The following DMRT2 variants were observed in gnomAD, a reference collection of about 807,000 sequenced individuals.
DMRT2 encodes the protein doublesex and mab-3 related transcription factor 2.
A neutral mutation model predicts 43.5 loss-of-function variants in DMRT2; 33 were observed. That is an observed-to-expected ratio of 0.76 (90% CI 0.58 to 1.01). DMRT2 has a LOEUF of 1.01. DMRT2 is among the 50% of genes least tolerant of loss of function. The probability of loss-of-function intolerance (pLI) is 0.00; values close to 1 mark genes in which losing one functional copy is unlikely to be tolerated. For synonymous variants in DMRT2, 395 were observed against 309.2 expected (o/e 1.28, Z -2.91); for missense variants, 1,064 against 748.0 (o/e 1.42, Z -4.93).
At chr9:1,053,216 G>A (rs573214787) in intron 2 of DMRT2, 4 of 152,586 alleles carry the variant, frequency 2.6e-5, no homozygotes, top group Non-Finnish European at 5.9e-5. Context: ...TTTGCAGCCG[G>A]ACCCAGGAGA....
intron 2 of DMRT2, among the ~76,000 whole-genome samples, chr9:1,052,466 G>T (rs7848450): frequency 0.029 from 4,372 of 151,932 alleles, 216 homozygotes; most frequent in African/African-American, 0.1. Context: ...GGTGTTGAGG[G>T]CGGGGGCTTG....
chr9:1,051,827 C>T lies in DMRT2; in HGVS notation c.214C>T (p.Pro72Ser), dbSNP rs774935912. The T allele has an allele frequency of 5.9e-5, 86 of 1,447,042 alleles. 1 individual carries two copies. The African/African-American group carries it at 1.0e-3, about 17-fold the overall frequency. The allele number at this position is 1,447,042 out of a possible 1,614,324, so 89.6% of individuals were successfully genotyped here. ...CGACGGCGAGGAGGCAGGCGCGTCC[C>T]CCGGGATGCCCGGCCAGCCGGAGCA... is the stretch of plus-strand genomic sequence containing the variant. Reference protein sequence around the residue: ...EGDGEEAGASPGMPGQPEQRG... With the variant: ...EGDGEEAGASSGMPGQPEQRG... The change falls in exon 2 of 4, where the codon CCC (proline) becomes TCC (serine). Residue 72 changes from proline to serine, a missense_variant. By Grantham distance (74) the Pro-to-Ser change is moderately conservative (BLOSUM62 -1). Coordinates refer to ENST00000358146, the MANE Select transcript of DMRT2 (RefSeq NM_181872.6). The surrounding 1 kb of genome is among the most constrained non-coding windows in gnomAD (Gnocchi z 5.9).
At chr9:1,052,214 C>G (rs1047495629) in intron 2 of DMRT2, 76 bp downstream of exon 2, 2 of 1,212,760 alleles carry the variant, frequency 1.6e-6, no homozygotes, top group Admixed American at 8.4e-5. Flanking sequence ...GGCGGCCGTC[C>G]ACACCCCCCG....
Position 1,051,311 on chromosome 9 carries a change from C to T in DMRT2, c.-44-259C>T, listed in dbSNP as rs1433189550. Among the ~76,000 whole-genome samples the T allele has an allele frequency of 6.6e-6, 1 of 152,100 alleles. No homozygotes were observed. The highest frequency in any genetic ancestry group is 2.4e-5 in the African/African-American group (1 of 41,398). ...ACTTGTCCGGAAAGCCCGTGTAAAGCCAGAGAGGGCCACGGTTAAAGGTCA... is the reference window on the plus strand; with the variant it reads ...ACTTGTCCGGAAAGCCCGTGTAAAGTCAGAGAGGGCCACGGTTAAAGGTCA... On this transcript the variant is annotated intron_variant, in intron 1 of 3. Coordinates refer to ENST00000358146, the MANE Select transcript of DMRT2 (RefSeq NM_181872.6). This position sits in a 1 kb window ranked among gnomAD's most constrained non-coding sequence, Gnocchi z 5.9.
At chr9:1,055,653 C>G (rs1821926503) in intron 3 of DMRT2, 1 of 1,377,086 alleles carries the variant, frequency 7.3e-7, no homozygotes. Flanking sequence ...TCTCTATTTT[C>G]TTAAGCCTTT....
At chr9:1,052,601 G>A (rs1821677894) in intron 2 of DMRT2, among the ~76,000 whole-genome samples, 1 of 151,946 alleles carries the variant, frequency 6.6e-6, no homozygotes, top group Non-Finnish European at 1.5e-5. Context: ...TCACCTGGAC[G>A]TTTGAGATAT....
intron 3 of DMRT2, among the ~76,000 whole-genome samples, chr9:1,054,369 C>G (rs895908733): frequency 6.6e-6 from 1 of 151,020 alleles, no homozygotes; most frequent in East Asian, 1.9e-4. Flanking sequence ...GCCGTTTAGT[C>G]TGGAAGTTCA....
chr9:1,051,954 C>A lies in DMRT2; in HGVS notation c.341C>A (p.Pro114Gln). The A allele has an allele frequency of 7.2e-7, 1 of 1,389,658 alleles. No individual in the cohort carries two copies. The highest frequency in any genetic ancestry group is 9.3e-7 in the Non-Finnish European group (1 of 1,079,308). 86.1% of individuals were successfully genotyped at this position (1,389,658 alleles called of 1,614,324 possible). A position where few individuals can be genotyped will look rare whatever the true frequency, so the allele number is the denominator to read the frequency against. The change falls in exon 2 of 4, where the codon CCG (proline) becomes CAG (glutamine). Residue 114 changes from proline (P) to glutamine (Q), a missense_variant. Coordinates refer to ENST00000358146, the MANE Select transcript of DMRT2 (RefSeq NM_181872.6). The surrounding 1 kb of genome is among the most constrained non-coding windows in gnomAD (Gnocchi z 5.9). ...ACTCCCGCGGGCGGCGGCGCGGAGC[C>A]GCGCAAGCTGAGCCGCACGCCCAAG... Reference protein sequence around the residue: ...RCTPAGGGAEPRKLSRTPKCA... With the variant: ...RCTPAGGGAEQRKLSRTPKCA...
Position 1,053,795 on chromosome 9 carries a change from C to A in DMRT2, c.599C>A (p.Pro200His). Residue 200 changes from proline to histidine, a missense_variant, in exon 3 of 4, where the codon CCC becomes CAC. Physicochemically the swap from Pro to His is moderately conservative, Grantham distance 77 (BLOSUM62 -2). Transcript: ENST00000358146. ...GTGTACCAGAGGCAAGTCAGAGCCCCCAGTTTGCTGGCCAAAAGCATTTTA... is the reference window on the plus strand; with the variant it reads ...GTGTACCAGAGGCAAGTCAGAGCCCACAGTTTGCTGGCCAAAAGCATTTTA... ...KAVYQRQVRA[P>H]SLLAKSILEG... is the part of the protein sequence containing the mutation. 1 of 1,614,088 alleles carries A rather than the reference C, an allele frequency of 6.2e-7. No homozygotes were observed. Among genetic ancestry groups the A allele is most frequent in the Non-Finnish European group, 8.5e-7 (1 of 1,180,010 alleles).
At position 1,056,271 on chromosome 9, in the gene DMRT2, C is replaced by T. The variant is rs1442344296; in HGVS notation, c.684C>T (p.Pro228=). The T allele has an allele frequency of 1.2e-6, 2 of 1,614,170 alleles. No individual in the cohort carries two copies. Among genetic ancestry groups the T allele is most frequent in the East Asian group, 4.5e-5 (2 of 44,876 alleles). Residue 228 remains proline (P), a synonymous_variant, in exon 4 of 4, where the codon CCC becomes CCT. Transcript: ENST00000358146. ...TYVGGTFPLP[P]PVSDRMRKRR... is the part of the protein sequence containing the mutation. ...TAGGAGGGACCTTCCCTCTACCTCC[C>T]CCAGTTAGTGACAGGATGAGGAAAA...
chr9:1,055,544 T>TA (rs1045770255), intron 3 of DMRT2, among the ~76,000 whole-genome samples: 2 of 138,142 alleles, frequency 1.4e-5, no homozygotes, highest in African/African-American at 6.1e-5. Flanking sequence ...TATTTTATTT[T>TA]ATTTTTTTTT....
Position 1,051,155 on chromosome 9 carries a change from T to G in DMRT2, c.-45+380T>G, listed in dbSNP as rs1355951753. 2.6e-5 allele frequency among the ~76,000 whole-genome samples: 4 copies of G among 152,162 alleles called. No individual in the cohort carries two copies. Among genetic ancestry groups the G allele is most frequent in the African/African-American group, 9.7e-5 (4 of 41,436 alleles). ...GGGCCACTTGTAATCAAAGGAAAAC[T>G]GTTCTTCCACGGATAGTTTTATATG... On this transcript the variant is annotated intron_variant, in intron 1 of 3. Coordinates refer to ENST00000358146, the MANE Select transcript of DMRT2 (RefSeq NM_181872.6). The surrounding 1 kb of genome is among the most constrained non-coding windows in gnomAD (Gnocchi z 5.9).
intron 1 of DMRT2, 89 bp downstream of exon 1, chr9:1,050,864 C>T (rs1821519262): frequency 1.3e-5 from 2 of 152,302 alleles, no homozygotes; most frequent in East Asian, 1.9e-4. Flanking sequence ...GATGCCTTAC[C>T]TTAAATATAT....
At chr9:1,053,607 T>A (rs1481868771) in intron 2 of DMRT2, 115 bp from the exon 3 acceptor site, 3 of 907,566 alleles carry the variant, frequency 3.3e-6, no homozygotes, top group Non-Finnish European at 5.1e-6. Flanking sequence ...ATGGGAAAAT[T>A]CAATACATTT....
Position 1,056,844 on chromosome 9 carries a change from T to A in DMRT2, c.1257T>A (p.Gly419=), listed in dbSNP as rs1163989362. The A allele has an allele frequency of 2.8e-5, 45 of 1,613,858 alleles. No individual in the cohort carries two copies. The highest frequency in any genetic ancestry group is 3.7e-5 in the Non-Finnish European group (44 of 1,180,014). ...AGACCACGAGAAGTGACCTTCAGGG[T>A]CATCAGGCTGTCCCAGAGAGGTCCG... The part of the protein sequence containing the change: ...EIQTTRSDLQ[G]HQAVPERSAF... Residue 419 remains glycine (G), a synonymous_variant, in exon 4 of 4, where the codon GGT becomes GGA. Coordinates refer to ENST00000358146, the MANE Select transcript of DMRT2 (RefSeq NM_181872.6).
Position 1,051,554 on chromosome 9 carries a change from C to G in DMRT2, c.-44-16C>G, listed in dbSNP as rs1427894666. 2.1e-6 allele frequency: 3 copies of G among 1,449,256 alleles called. No individual in the cohort carries two copies. The highest frequency in any genetic ancestry group is 2.7e-6 in the Non-Finnish European group (3 of 1,111,452). The allele number at this position is 1,449,256 out of a possible 1,614,324, so 89.8% of individuals were successfully genotyped here. ...CGGCGGCCGGTGGGTCTTTGGATTTCTTTGTGTTTCCCCAGAGTGAGGGCC... is the reference window on the plus strand; with the variant it reads ...CGGCGGCCGGTGGGTCTTTGGATTTGTTTGTGTTTCCCCAGAGTGAGGGCC... On this transcript the variant is annotated splice_polypyrimidine_tract_variant and intron_variant, in intron 1 of 3. Coordinates refer to ENST00000358146, the MANE Select transcript of DMRT2 (RefSeq NM_181872.6). This position sits in a 1 kb window ranked among gnomAD's most constrained non-coding sequence, Gnocchi z 5.9.
rs767735578 is a variant in DMRT2 at position 1,057,223 on chromosome 9, G to T, written c.1636G>T (p.Glu546Ter). The stretch of plus-strand genomic sequence containing the variant: ...GAATGAACCACTGTCATTTTCTGTT[G>T]AGTCTATTCTTAAGAGGCCTTCATC... ...SVNEPLSFSV[E>*]SILKRPSSAI... Residue 546 changes from glutamate (E) to a stop codon, truncating the protein, a stop_gained, in exon 4 of 4, where the codon GAG becomes TAG. Coordinates refer to ENST00000358146, the MANE Select transcript of DMRT2 (RefSeq NM_181872.6). LOFTEE classifies it high-confidence loss of function. The T allele has an allele frequency of 6.2e-7, 1 of 1,613,890 alleles. No individual in the cohort carries two copies. The highest frequency in any genetic ancestry group is 8.5e-7 in the Non-Finnish European group (1 of 1,179,928).
intron 3 of DMRT2, among the ~76,000 whole-genome samples, chr9:1,055,236 G>C (rs1162598124): frequency 6.6e-6 from 1 of 152,144 alleles, no homozygotes; most frequent in Non-Finnish European, 1.5e-5. Flanking sequence ...TAATGGGTTT[G>C]TCACTATGTA....
Position 1,051,665 on chromosome 9 carries a change from G to C in DMRT2, c.52G>C (p.Glu18Gln), listed in dbSNP as rs553366710. ...GGCCGGGGACTGGGAGATCGATGTCGAGAGCCTGGAGCTGGAAGAGGACGT... is the reference window on the plus strand; with the variant it reads ...GGCCGGGGACTGGGAGATCGATGTCCAGAGCCTGGAGCTGGAAGAGGACGT... Reference protein sequence around the residue: ...SAAGDWEIDVESLELEEDVCG... With the variant: ...SAAGDWEIDVQSLELEEDVCG... Residue 18 changes from glutamate (E) to glutamine (Q), a missense_variant, in exon 2 of 4, where the codon GAG becomes CAG. Physicochemically the swap from Glu to Gln is conservative, Grantham distance 29. Transcript: ENST00000358146. This position sits in a 1 kb window ranked among gnomAD's most constrained non-coding sequence, Gnocchi z 5.9. The C allele has an allele frequency of 4.3e-5, 67 of 1,570,452 alleles. No homozygotes were observed. The highest frequency in any genetic ancestry group is 5.5e-5 in the Non-Finnish European group (64 of 1,166,654).
Sources: gnomAD v4.1 joint callset for allele counts (sites outside exome capture counted in the v4.1 genomes callset) on GRCh38, gnomAD v4.1.1 for gene constraint, Gnocchi (gnomAD v3.1) non-coding constraint, MANE v1.5 for transcripts, NCBI Gene and HGNC (gene_info 2026-07-23, HGNC 2026-07-21) for gene names.